The following SMYD3 variants were observed in gnomAD, a reference collection of about 807,000 sequenced individuals.
The protein encoded by SMYD3 is SET and MYND domain containing 3.
Under a neutral mutation model 57.7 loss-of-function variants are expected in SMYD3, and 36 were observed. The observed-to-expected ratio is 0.62, with a 90% confidence interval of 0.48 to 0.82. The LOEUF (loss-of-function observed/expected upper bound fraction) is 0.82. Ranked by LOEUF, SMYD3 falls within the 40% of genes least tolerant of loss-of-function variation. The pLI is 0.00. For synonymous variants in SMYD3, 211 were observed against 195.0 expected (o/e 1.08, Z -0.68); for missense variants, 515 against 538.8 (o/e 0.96, Z 0.44).
chr1:246,478,640 T>C (rs4654268), intron 1 of SMYD3, among the ~76,000 whole-genome samples: 706 of 14,170 alleles, frequency 0.05, 70 homozygotes, highest in East Asian at 0.1. Context: ...TATATGTACA[T>C]CTGTCCTCCG....
intron 7 of SMYD3, among the ~76,000 whole-genome samples, chr1:245,918,901 C>T (rs1335675172): frequency 1.3e-5 from 2 of 152,168 alleles, no homozygotes; most frequent in Non-Finnish European, 2.9e-5. Flanking sequence ...AGTGTGAAGC[C>T]ACTAACTCCA....
chr1:246,228,900 C>T (rs1002470160), intron 5 of SMYD3, among the ~76,000 whole-genome samples: 1 of 152,000 alleles, frequency 6.6e-6, no homozygotes, highest in African/African-American at 2.4e-5. Flanking sequence ...AAAATCAAAA[C>T]ATCTTTGGGA....
At chr1:245,762,968 G>A (rs2045918732) in intron 11 of SMYD3, among the ~76,000 whole-genome samples, 1 of 152,150 alleles carries the variant, frequency 6.6e-6, no homozygotes, top group African/African-American at 2.4e-5. Context: ...TGCCTGGCCA[G>A]GTGAGCATGT....
intron 1 of SMYD3, among the ~76,000 whole-genome samples, chr1:246,499,522 T>A (rs1205491048): frequency 6.6e-6 from 1 of 151,936 alleles, no homozygotes; most frequent in African/African-American, 2.4e-5. Flanking sequence ...AGTGGCGCAG[T>A]CTCAGCTCAC....
chr1:246,423,923 C>G (rs572537645), intron 1 of SMYD3, among the ~76,000 whole-genome samples: 1 of 151,834 alleles, frequency 6.6e-6, no homozygotes, highest in Non-Finnish European at 1.5e-5. Flanking sequence ...TGATGAAAGA[C>G]AGAACAAAAA....
chr1:246,168,621 T>A (rs2062264758), intron 5 of SMYD3, among the ~76,000 whole-genome samples: 1 of 152,180 alleles, frequency 6.6e-6, no homozygotes, highest in African/African-American at 2.4e-5. Flanking sequence ...TTATAATTGT[T>A]ATTTCTTTGA....
intron 11 of SMYD3, among the ~76,000 whole-genome samples, chr1:245,758,327 T>C (rs1444178518): frequency 1.3e-5 from 2 of 152,192 alleles, no homozygotes; most frequent in African/African-American, 4.8e-5. Context: ...TATGAGATCA[T>C]GTCATCTGTA....
At chr1:246,486,430 T>C (rs1158414299) in intron 1 of SMYD3, among the ~76,000 whole-genome samples, 2 of 152,142 alleles carry the variant, frequency 1.3e-5, no homozygotes, top group East Asian at 1.9e-4. Flanking sequence ...AAGTGAAAAA[T>C]TGAAACCCCA....
Position 246,218,657 on chromosome 1 carries a change from T to G in SMYD3, c.531+108544A>C, listed in dbSNP as rs191783196. 4.9e-4 allele frequency among the ~76,000 whole-genome samples: 75 copies of G among 152,234 alleles called. 2 individuals are homozygous for G. ...AAAGTAGTGGCAACACTGTATTTCT[T>G]AAGACTGGCTGACTGCTATGCAAGT... On this transcript the variant is annotated intron_variant, in intron 5 of 11. Transcript: ENST00000490107.
intron 2 of SMYD3, among the ~76,000 whole-genome samples, chr1:246,348,293 G>A (rs1361004968): frequency 1.3e-5 from 2 of 151,794 alleles, no homozygotes; most frequent in East Asian, 3.9e-4. Flanking sequence ...GCAGGTGCCT[G>A]TAATCCCAGC....
chr1:245,833,942 GA>G (rs1423443587), intron 10 of SMYD3, among the ~76,000 whole-genome samples: 3 of 152,216 alleles, frequency 2.0e-5, no homozygotes, highest in Non-Finnish European at 4.4e-5. Flanking sequence ...TCTAATTTTA[GA>G]AACATTGAAG....
At chr1:245,844,273 C>T (rs1172071492) in intron 10 of SMYD3, among the ~76,000 whole-genome samples, 3 of 152,190 alleles carry the variant, frequency 2.0e-5, no homozygotes, top group Admixed American at 6.5e-5. Flanking sequence ...TGGTCATCCT[C>T]AGCTAGAAAC....
intron 5 of SMYD3, among the ~76,000 whole-genome samples, chr1:246,233,412 G>A (rs1460222993): frequency 1.6e-5 from 2 of 123,824 alleles, no homozygotes; most frequent in Non-Finnish European, 3.3e-5. Flanking sequence ...ACACTGTGAT[G>A]AACATATACC....
intron 5 of SMYD3, among the ~76,000 whole-genome samples, chr1:246,277,604 T>C (rs946319145): frequency 7.2e-5 from 11 of 152,142 alleles, no homozygotes; most frequent in Admixed American, 6.5e-5. Context: ...TTATTCACAA[T>C]ACCTAATCAG....
chr1:245,854,623 C>T (rs2051141099), intron 10 of SMYD3, among the ~76,000 whole-genome samples: 2 of 152,174 alleles, frequency 1.3e-5, no homozygotes, highest in Admixed American at 6.5e-5. Context: ...TTCCCGCACA[C>T]TAAGGAGGAC....
At chr1:245,848,010 T>A (rs1404414903) in intron 10 of SMYD3, among the ~76,000 whole-genome samples, 2 of 152,200 alleles carry the variant, frequency 1.3e-5, no homozygotes, top group African/African-American at 2.4e-5. Flanking sequence ...CCTGTTCAGG[T>A]GACCTAGTCC....
At chr1:246,402,344 G>A (rs543572212) in intron 1 of SMYD3, among the ~76,000 whole-genome samples, 4 of 78,192 alleles carry the variant, frequency 5.1e-5, no homozygotes, top group African/African-American at 9.7e-5. Flanking sequence ...CAGTTAAAAT[G>A]AGTCTCGATC....
chr1:246,044,894 G>A (rs1465162613), intron 5 of SMYD3, among the ~76,000 whole-genome samples: 1 of 152,104 alleles, frequency 6.6e-6, no homozygotes, highest in Admixed American at 6.5e-5. Flanking sequence ...TGCTTTGAGA[G>A]TATAAAATAC....
At chr1:246,002,239 C>T (rs1450676268) in intron 5 of SMYD3, among the ~76,000 whole-genome samples, 9 of 147,952 alleles carry the variant, frequency 6.1e-5, no homozygotes, top group Middle Eastern at 3.2e-3. Context: ...GGCTGGAGTG[C>T]TGTGGCGCGA....
Sources: gnomAD v4.1 joint callset for allele counts (sites outside exome capture counted in the v4.1 genomes callset) on GRCh38, gnomAD v4.1.1 for gene constraint, MANE v1.5 for transcripts, NCBI Gene and HGNC (gene_info 2026-07-23, HGNC 2026-07-21) for gene names.